The following SPIDR variants were observed in gnomAD, a reference collection of about 807,000 sequenced individuals.
SPIDR encodes the protein scaffold protein involved in DNA repair, also known as DNA repair-scaffolding protein.
Under a neutral mutation model 104.6 loss-of-function variants are expected in SPIDR, and 93 were observed. The observed-to-expected ratio is 0.89, with a 90% CI of 0.75 to 1.06. SPIDR has a LOEUF of 1.06. Ranked by LOEUF, SPIDR falls within the 50% of genes least tolerant of loss-of-function variation. The pLI, the probability that SPIDR is intolerant of heterozygous loss-of-function variation, is 0.00. For synonymous variants in SPIDR, 431 were observed against 416.9 expected, an observed-to-expected ratio of 1.03 and a Z score of -0.41; for missense variants, 1,154 against 1,111.2, an observed-to-expected ratio of 1.04 and a Z score of -0.55.
At chr8:47,338,160 G>A (rs886463093) in intron 5 of SPIDR, among the ~76,000 whole-genome samples, 1 of 152,066 alleles carries the variant, frequency 6.6e-6, no homozygotes, top group African/African-American at 2.4e-5. Context: ...TTTCCTGGTG[G>A]TGGTGTGTGG....
chr8:47,372,005 C>G (rs2058095148), intron 5 of SPIDR, among the ~76,000 whole-genome samples: 1 of 152,120 alleles, frequency 6.6e-6, no homozygotes, highest in East Asian at 1.9e-4. Flanking sequence ...GCAGGAGCAC[C>G]CTTCTCTTCC....
chr8:47,585,842 G>A (rs1308471697), intron 8 of SPIDR, among the ~76,000 whole-genome samples: 1 of 152,040 alleles, frequency 6.6e-6, no homozygotes, highest in East Asian at 1.9e-4. Flanking sequence ...TTCATGAGTG[G>A]ATTAATCCAT....
chr8:47,711,657 C>T (rs756774315), intron 14 of SPIDR, among the ~76,000 whole-genome samples: 3 of 152,144 alleles, frequency 2.0e-5, no homozygotes, highest in Non-Finnish European at 4.4e-5. Context: ...CATACACACA[C>T]AACTATATCT....
intron 7 of SPIDR, among the ~76,000 whole-genome samples, chr8:47,416,380 A>G (rs2064288353): frequency 6.6e-6 from 1 of 152,208 alleles, no homozygotes; most frequent in African/African-American, 2.4e-5. Context: ...ATTGCTCGGT[A>G]GTATTCCATG....
intron 6 of SPIDR, among the ~76,000 whole-genome samples, chr8:47,398,506 A>G (rs1427183948): frequency 1.3e-5 from 2 of 152,224 alleles, no homozygotes; most frequent in African/African-American, 2.4e-5. Context: ...AAACAGACTC[A>G]GGGAAGCCCT....
At chr8:47,260,935 T>C (rs779804482), upstream of SPIDR, 165 of 1,226,692 alleles carry the variant, frequency 1.3e-4, no homozygotes, top group African/African-American at 1.9e-3. Context: ...GAGGAGGCGG[T>C]GCGCTCAGGC....
intron 10 of SPIDR, among the ~76,000 whole-genome samples, chr8:47,602,108 T>G (rs1400127460): frequency 6.6e-6 from 1 of 152,252 alleles, no homozygotes. Context: ...TTTTTATACA[T>G]GTACATGTAG....
At chr8:47,408,623 T>C (rs1399371210) in intron 7 of SPIDR, among the ~76,000 whole-genome samples, 3 of 152,136 alleles carry the variant, frequency 2.0e-5, no homozygotes, top group African/African-American at 7.2e-5. Context: ...AGATAAAAGA[T>C]ATCCAAGTTG....
chr8:47,476,400 A>T (rs2076299311), intron 8 of SPIDR, among the ~76,000 whole-genome samples: 1 of 152,076 alleles, frequency 6.6e-6, no homozygotes, highest in Admixed American at 6.5e-5. Context: ...TGATGAGGAG[A>T]TATGAAAATA....
chr8:47,532,360 C>T lies in SPIDR; in HGVS notation c.1098-63451C>T, dbSNP rs1055729512. Among the ~76,000 whole-genome samples the T allele has an allele frequency of 1.9e-4, 29 of 152,174 alleles. 2 individuals are homozygous for T. The East Asian group carries it at 2.5e-3, about 13-fold the overall frequency. On this transcript the variant is annotated intron_variant, in intron 8 of 19. Transcript: ENST00000297423. Reference sequence around the variant, plus strand: ...CTGGGATTATAGGCATGAGCCACCACGCCTGGCCCAGAGTGGATTTAAACA... The same window carrying T: ...CTGGGATTATAGGCATGAGCCACCATGCCTGGCCCAGAGTGGATTTAAACA...
chr8:47,471,543 T>G (rs1451998535), intron 8 of SPIDR, among the ~76,000 whole-genome samples: 2 of 152,158 alleles, frequency 1.3e-5, no homozygotes, highest in Non-Finnish European at 2.9e-5. Context: ...GAAATTGGAA[T>G]GCTTTTGCAC....
chr8:47,411,936 G>C (rs548869029), intron 7 of SPIDR, among the ~76,000 whole-genome samples: 1 of 152,138 alleles, frequency 6.6e-6, no homozygotes, highest in East Asian at 1.9e-4. Context: ...TCTTGTTTTT[G>C]TCAGCTTTGT....
chr8:47,577,160 T>G (rs1038950708), intron 8 of SPIDR, among the ~76,000 whole-genome samples: 2 of 152,232 alleles, frequency 1.3e-5, no homozygotes, highest in Non-Finnish European at 2.9e-5. Flanking sequence ...TAAGTTATGA[T>G]TTTTACATTT....
chr8:47,499,400 C>T (rs1247505992), intron 8 of SPIDR, among the ~76,000 whole-genome samples: 1 of 152,166 alleles, frequency 6.6e-6, no homozygotes, highest in African/African-American at 2.4e-5. Flanking sequence ...AGTTCCACCC[C>T]AGGCTCTCTC....
At chr8:47,446,197 G>T (rs2070565921) in intron 8 of SPIDR, among the ~76,000 whole-genome samples, 1 of 152,142 alleles carries the variant, frequency 6.6e-6, no homozygotes, top group South Asian at 2.1e-4. Context: ...TTTTATTAAG[G>T]TCTAATACAG....
intron 1 of SPIDR, among the ~76,000 whole-genome samples, chr8:47,278,047 A>G (rs938395772): frequency 6.6e-6 from 1 of 151,590 alleles, no homozygotes; most frequent in Admixed American, 6.6e-5. Context: ...GCCATGCACA[A>G]AAGTTATAAT....
chr8:47,471,399 T>C (rs2075688878), intron 8 of SPIDR, among the ~76,000 whole-genome samples: 1 of 146,722 alleles, frequency 6.8e-6, no homozygotes, highest in Admixed American at 6.8e-5. Context: ...AAAAAAGATA[T>C]ACTAATTGCC....
chr8:47,552,898 C>T (rs1357866738), intron 8 of SPIDR, among the ~76,000 whole-genome samples: 1 of 152,114 alleles, frequency 6.6e-6, no homozygotes, highest in East Asian at 1.9e-4. Context: ...GTGGCTGGTA[C>T]CAGTTGTTCC....
chr8:47,489,761 C>T (rs2078347845), intron 8 of SPIDR, among the ~76,000 whole-genome samples: 1 of 152,214 alleles, frequency 6.6e-6, no homozygotes, highest in African/African-American at 2.4e-5. Flanking sequence ...AAAGGATTCC[C>T]TATTTAATAA....
Sources: allele counts gnomAD v4.1 joint callset (sites outside exome capture counted in the v4.1 genomes callset), GRCh38; gene constraint gnomAD v4.1.1; transcripts MANE v1.5; gene names NCBI Gene and HGNC (gene_info 2026-07-23, HGNC 2026-07-21).